The following KCTD16 variants were observed in gnomAD, a reference collection of about 807,000 sequenced individuals.
KCTD16 encodes the protein BTB/POZ domain-containing protein KCTD16.
Under a neutral mutation model 33.2 loss-of-function variants are expected in KCTD16, and 13 were observed. That is an observed-to-expected ratio of 0.39 (90% CI 0.25 to 0.62). KCTD16 has a LOEUF of 0.62. Among genes scored for constraint, KCTD16 ranks in the 20% least tolerant of loss-of-function variants. The pLI is 0.50. For missense variants in KCTD16, 441 were observed against 525.1 expected (o/e 0.84, Z 1.57); for synonymous variants, 197 against 195.3 (o/e 1.01, Z -0.07).
intron 2 of KCTD16, among the ~76,000 whole-genome samples, chr5:144,186,259 T>A (rs564023487): frequency 6.6e-6 from 1 of 151,824 alleles, no homozygotes; most frequent in East Asian, 1.9e-4. Context: ...CAATTAGAGT[T>A]TACACTAGCA....
rs368957124 is a variant in KCTD16 at position 144,479,365 on chromosome 5, C to CAAAAAAAAAAAAAAAAAA, written c.*5267_*5268insAAAAAAAAAAAAAAAAAA. ...CCAAACTGATGTGTAAGAATAAATG[C>CAAAAAAAAAAAAAAAAAA]AAAAAAAAAAAAAAAAGAAAAAGAA... On this transcript the variant is annotated 3_prime_UTR_variant, in exon 4 of 4. Coordinates refer to ENST00000512467, the MANE Select transcript of KCTD16 (RefSeq NM_020768.4). 5 of 92,410 alleles carry CAAAAAAAAAAAAAAAAAA rather than the reference C, an allele frequency of 5.4e-5. No individual in the cohort carries two copies. The highest frequency in any genetic ancestry group is 1.5e-4 in the African/African-American group (3 of 20,152). 5.7% of individuals were successfully genotyped at this position (92,410 alleles called of 1,614,324 possible).
At chr5:144,297,568 C>G (rs1035368626) in intron 3 of KCTD16, among the ~76,000 whole-genome samples, 1 of 152,118 alleles carries the variant, frequency 6.6e-6, no homozygotes, top group South Asian at 2.1e-4. Context: ...TCAAGATATT[C>G]CTACCATATC....
intron 3 of KCTD16, among the ~76,000 whole-genome samples, chr5:144,428,255 T>C (rs887555344): frequency 6.6e-6 from 1 of 152,180 alleles, no homozygotes; most frequent in Non-Finnish European, 1.5e-5. Flanking sequence ...TTCTTTGCTG[T>C]TGCTTGTCTG....
intron 3 of KCTD16, among the ~76,000 whole-genome samples, chr5:144,303,142 G>C (rs1345811677): frequency 6.6e-6 from 1 of 152,172 alleles, no homozygotes; most frequent in Non-Finnish European, 1.5e-5. Context: ...AATCTTGATA[G>C]ACGTGTCAAG....
intron 3 of KCTD16, among the ~76,000 whole-genome samples, chr5:144,321,460 T>C (rs1752073238): frequency 6.6e-6 from 1 of 152,152 alleles, no homozygotes; most frequent in Non-Finnish European, 1.5e-5. Flanking sequence ...TACATAGAAA[T>C]TGAGGCATGA....
intron 3 of KCTD16, among the ~76,000 whole-genome samples, chr5:144,358,090 ATTTTTTTTT>A (rs539287370): frequency 0.032 from 3,682 of 114,458 alleles, 83 homozygotes; most frequent in African/African-American, 0.058. Context: ...CACCCGGCTA[ATTTTTTTTT>A]TTTTTTTTTT....
At chr5:144,176,381 G>A (rs1319308751) in intron 2 of KCTD16, among the ~76,000 whole-genome samples, 2 of 142,468 alleles carry the variant, frequency 1.4e-5, no homozygotes, top group African/African-American at 2.6e-5. Context: ...TAAAGATATA[G>A]TGTTTCTTTT....
At chr5:144,333,461 A>T (rs1752406102) in intron 3 of KCTD16, among the ~76,000 whole-genome samples, 1 of 152,112 alleles carries the variant, frequency 6.6e-6, no homozygotes, top group Non-Finnish European at 1.5e-5. Context: ...AAAAATAATA[A>T]GCCTTTATGT....
intron 3 of KCTD16, among the ~76,000 whole-genome samples, chr5:144,392,293 T>C (rs1210079850): frequency 6.6e-6 from 1 of 152,070 alleles, no homozygotes; most frequent in Non-Finnish European, 1.5e-5. Context: ...ATGAGTGAGG[T>C]GCGTAGTGCA....
intron 3 of KCTD16, among the ~76,000 whole-genome samples, chr5:144,363,185 T>C (rs1436857649): frequency 1.3e-5 from 2 of 152,026 alleles, no homozygotes; most frequent in African/African-American, 4.8e-5. Flanking sequence ...CTACTAAAAA[T>C]ACAAAAATTA....
At chr5:144,181,078 G>A (rs1012177402) in intron 2 of KCTD16, among the ~76,000 whole-genome samples, 27 of 151,886 alleles carry the variant, frequency 1.8e-4, no homozygotes, top group African/African-American at 3.1e-4. Context: ...GACTACAGGC[G>A]CCCACCACCA....
intron 3 of KCTD16, among the ~76,000 whole-genome samples, chr5:144,446,630 T>G (rs1753823231): frequency 6.6e-6 from 1 of 151,992 alleles, no homozygotes; most frequent in Non-Finnish European, 1.5e-5. Flanking sequence ...ACCTACAGAA[T>G]GGGAGAACAT....
At chr5:144,404,205 G>A (rs1378953527) in intron 3 of KCTD16, among the ~76,000 whole-genome samples, 2 of 152,156 alleles carry the variant, frequency 1.3e-5, no homozygotes, top group Non-Finnish European at 2.9e-5. Context: ...AACTTTCTGT[G>A]TAGCAAGCCC....
At chr5:144,254,574 G>A (rs970974227) in intron 3 of KCTD16, among the ~76,000 whole-genome samples, 1 of 151,976 alleles carries the variant, frequency 6.6e-6, no homozygotes, top group African/African-American at 2.4e-5. Context: ...AGTTTACATT[G>A]TTGTTGACTG....
intron 3 of KCTD16, among the ~76,000 whole-genome samples, chr5:144,450,978 C>T (rs1753928506): frequency 6.6e-6 from 1 of 151,916 alleles, no homozygotes; most frequent in South Asian, 2.1e-4. Context: ...GAAATAAAAA[C>T]AACAAAATGA....
intron 3 of KCTD16, among the ~76,000 whole-genome samples, chr5:144,443,253 A>G (rs1050750871): frequency 4.6e-5 from 7 of 152,114 alleles, no homozygotes; most frequent in Middle Eastern, 3.2e-3. Flanking sequence ...AGGGCACATA[A>G]TGGAGTAGGT....
chr5:144,351,584 G>T (rs989001672), intron 3 of KCTD16, among the ~76,000 whole-genome samples: 1 of 152,108 alleles, frequency 6.6e-6, no homozygotes, highest in African/African-American at 2.4e-5. Flanking sequence ...ATCAGTAAGT[G>T]GAAGAGATAT....
intron 3 of KCTD16, among the ~76,000 whole-genome samples, chr5:144,344,371 A>AACTAC: frequency 1.5e-5 from 2 of 134,282 alleles, no homozygotes; most frequent in Admixed American, 7.3e-5. Flanking sequence ...GATCTAATTA[A>AACTAC]AGAGCTTCTG....
At chr5:144,282,065 A>G (rs1015523641) in intron 3 of KCTD16, among the ~76,000 whole-genome samples, 1 of 152,202 alleles carries the variant, frequency 6.6e-6, no homozygotes, top group Non-Finnish European at 1.5e-5. Context: ...AGAATTTTGT[A>G]AGCTAGTGAG....
Sources: gnomAD v4.1 joint callset for allele counts (sites outside exome capture counted in the v4.1 genomes callset) on GRCh38, gnomAD v4.1.1 for gene constraint, MANE v1.5 for transcripts, NCBI Gene and HGNC (gene_info 2026-07-23, HGNC 2026-07-21) for gene names.